NRG2: variants seen among roughly 807,000 people sequenced by gnomAD.
NRG2 encodes neuregulin 2.
In NRG2, 27 loss-of-function variants were observed where a neutral mutation model predicts 73.9. That is an observed-to-expected ratio of 0.37 (90% CI 0.27 to 0.50). The LOEUF (loss-of-function observed/expected upper bound fraction) is 0.50, where lower values mean the gene tolerates loss of function less well. Ranked by LOEUF, NRG2 falls within the 20% of genes least tolerant of loss-of-function variation. The pLI is 0.96. For synonymous variants in NRG2, 532 were observed against 541.0 expected (o/e 0.98, Z 0.23); for missense variants, 1,126 against 1,210.1 (o/e 0.93, Z 1.03).
chr5:140,031,994 T>C (rs1761191928), intron 1 of NRG2, among the ~76,000 whole-genome samples: 2 of 152,020 alleles, frequency 1.3e-5, no homozygotes, highest in Non-Finnish European at 2.9e-5. Flanking sequence ...AGGATTGAGC[T>C]CCCACCACCC....
intron 1 of NRG2, among the ~76,000 whole-genome samples, chr5:139,992,353 TCTC>T (rs1371320938): frequency 2.8e-4 from 42 of 152,380 alleles, no homozygotes; most frequent in African/African-American, 9.6e-4. Flanking sequence ...CTGACTAAAT[TCTC>T]CTATTACTGC....
At chr5:139,867,797 TATGA>T (rs144303064) in intron 4 of NRG2, among the ~76,000 whole-genome samples, 5,327 of 100,624 alleles carry the variant, frequency 0.053, 97 homozygotes, top group African/African-American at 0.11. Flanking sequence ...TGTGTGTGTG[TATGA>T]GTGTGTGTGT....
At chr5:139,985,760 T>G (rs1179461599) in intron 1 of NRG2, among the ~76,000 whole-genome samples, 1 of 152,182 alleles carries the variant, frequency 6.6e-6, no homozygotes, top group Admixed American at 6.5e-5. Context: ...TCGAGCTCTA[T>G]CCAGAGTTGC....
chr5:139,866,874 C>T (rs1375142535), intron 4 of NRG2, among the ~76,000 whole-genome samples: 2 of 152,210 alleles, frequency 1.3e-5, no homozygotes, highest in Non-Finnish European at 2.9e-5. Context: ...CAGCCCTGTA[C>T]TCTCTTCTGA....
intron 1 of NRG2, among the ~76,000 whole-genome samples, chr5:140,017,844 C>T (rs192855971): frequency 3.0e-4 from 45 of 152,002 alleles, no homozygotes; most frequent in African/African-American, 8.7e-4. Context: ...TCAGTAGAGA[C>T]GAAGAGACAG....
chr5:139,901,040 C>T (rs989711134), intron 1 of NRG2, among the ~76,000 whole-genome samples: 11 of 152,380 alleles, frequency 7.2e-5, no homozygotes, highest in African/African-American at 2.6e-4. Flanking sequence ...ACTATACCCT[C>T]TGTTTGCAAC....
At chr5:139,913,441 C>A (rs1317652666) in intron 1 of NRG2, among the ~76,000 whole-genome samples, 8 of 152,186 alleles carry the variant, frequency 5.3e-5, no homozygotes, top group Non-Finnish European at 8.8e-5. Flanking sequence ...CAGTGGAGTA[C>A]TTCCTTTACA....
intron 1 of NRG2, among the ~76,000 whole-genome samples, chr5:139,953,482 C>T (rs1754385061): frequency 1.3e-5 from 2 of 152,134 alleles, no homozygotes; most frequent in Non-Finnish European, 2.9e-5. Context: ...CTCCATCCTC[C>T]AACCCCTTCC....
intron 9 of NRG2, 146 bp from the exon 10 acceptor site, chr5:139,848,843 A>G (rs887197613): frequency 1.3e-5 from 9 of 713,648 alleles, no homozygotes; most frequent in African/African-American, 5.7e-5. Context: ...GACGGCAGCA[A>G]CCCTCAGTGG....
chr5:139,862,574 A>G (rs1459125762), intron 5 of NRG2, among the ~76,000 whole-genome samples: 3 of 152,254 alleles, frequency 2.0e-5, no homozygotes, highest in Non-Finnish European at 4.4e-5. Flanking sequence ...ACAATATGCA[A>G]ATTCTTCATC....
At chr5:140,025,919 G>A (rs1760647884) in intron 1 of NRG2, among the ~76,000 whole-genome samples, 1 of 152,190 alleles carries the variant, frequency 6.6e-6, no homozygotes, top group Admixed American at 6.5e-5. Flanking sequence ...CCAAGTGATA[G>A]ACTAGGCCTT....
At chr5:139,863,523 C>T (rs1405173072) in intron 5 of NRG2, among the ~76,000 whole-genome samples, 5 of 152,320 alleles carry the variant, frequency 3.3e-5, no homozygotes, top group African/African-American at 4.8e-5. Flanking sequence ...CCTTGGATAG[C>T]GGCCCGGTTC....
intron 1 of NRG2, among the ~76,000 whole-genome samples, chr5:140,014,522 C>G (rs1759621430): frequency 1.3e-5 from 2 of 152,182 alleles, no homozygotes; most frequent in South Asian, 4.1e-4. Flanking sequence ...CAGGCATGAG[C>G]CACAGTGCCC....
chr5:139,903,410 A>G (rs1765012447), intron 1 of NRG2, among the ~76,000 whole-genome samples: 1 of 152,232 alleles, frequency 6.6e-6, no homozygotes, highest in African/African-American at 2.4e-5. Flanking sequence ...TGTGACTCGT[A>G]CAAAACACAT....
rs114230346 is a variant in NRG2, at chr5:140,020,472, T to A, written c.700+21898A>T. Reference sequence around the variant, plus strand: ...AACATAAACTGTTAACCAAAATGCATCTCACCTTCCACTTTTAAAAGGAAA... The same window carrying A: ...AACATAAACTGTTAACCAAAATGCAACTCACCTTCCACTTTTAAAAGGAAA... On this transcript the variant is annotated intron_variant, in intron 1 of 9. Transcript: ENST00000361474. 3.8e-3 allele frequency among the ~76,000 whole-genome samples: 572 copies of A among 152,284 alleles called. 4 individuals are homozygous for A. Among genetic ancestry groups the A allele is most frequent in the African/African-American group, 0.013 (551 of 41,542 alleles).
At chr5:139,975,802 C>A (rs532366513) in intron 1 of NRG2, among the ~76,000 whole-genome samples, 1 of 152,320 alleles carries the variant, frequency 6.6e-6, no homozygotes, top group East Asian at 1.9e-4. Context: ...CTGTCTGTAT[C>A]CTGGGGCTGA....
At chr5:140,035,719 A>G (rs1761455003) in intron 1 of NRG2, among the ~76,000 whole-genome samples, 2 of 152,192 alleles carry the variant, frequency 1.3e-5, no homozygotes, top group South Asian at 4.1e-4. Flanking sequence ...ATCAATATCA[A>G]GATCAAGACC....
intron 1 of NRG2, among the ~76,000 whole-genome samples, chr5:139,901,934 C>T (rs749670579): frequency 3.3e-5 from 5 of 152,248 alleles, no homozygotes; most frequent in Non-Finnish European, 7.3e-5. Context: ...TCTCATGGCT[C>T]TCCTCTAGGG....
chr5:140,023,866 C>T (rs1760443279), intron 1 of NRG2, among the ~76,000 whole-genome samples: 1 of 152,094 alleles, frequency 6.6e-6, no homozygotes, highest in African/African-American at 2.4e-5. Flanking sequence ...CCATATGGTT[C>T]GCCCAGCCCT....
Sources: gnomAD v4.1 joint callset for allele counts (sites outside exome capture counted in the v4.1 genomes callset) on GRCh38, gnomAD v4.1.1 for gene constraint, MANE v1.5 for transcripts, NCBI Gene and HGNC (gene_info 2026-07-23, HGNC 2026-07-21) for gene names.